The following CDH8 variants were observed in gnomAD, a reference collection of about 807,000 sequenced individuals.
CDH8 encodes cadherin 8.
A neutral mutation model predicts 68.1 loss-of-function variants in CDH8; 17 were observed. The ratio of observed to expected loss-of-function variants is 0.25; its 90% CI spans 0.17 to 0.37. CDH8 has a LOEUF of 0.37. Among genes scored for constraint, CDH8 ranks in the 10% least tolerant of loss-of-function variants. The pLI, the probability that CDH8 is intolerant of heterozygous loss-of-function variation, is 1.00. For missense variants in CDH8, 763 were observed against 999.3 expected (o/e 0.76, Z 3.19); for synonymous variants, 372 against 365.1 (o/e 1.02, Z -0.21).
At chr16:61,750,064 C>G (rs1362486488) in intron 8 of CDH8, among the ~76,000 whole-genome samples, 2 of 152,048 alleles carry the variant, frequency 1.3e-5, no homozygotes, top group African/African-American at 2.4e-5. Context: ...CCCCCTGTCT[C>G]CCTCCCAGCT....
At chr16:61,655,225 T>C (rs1358758978) in intron 11 of CDH8, among the ~76,000 whole-genome samples, 1 of 152,170 alleles carries the variant, frequency 6.6e-6, no homozygotes, top group African/African-American at 2.4e-5. Context: ...CCATTATGCC[T>C]TGTTCATCGC....
At chr16:61,969,254 T>C (rs1318893346) in intron 2 of CDH8, among the ~76,000 whole-genome samples, 1 of 152,208 alleles carries the variant, frequency 6.6e-6, no homozygotes, top group Non-Finnish European at 1.5e-5. Flanking sequence ...GTGAGAATTC[T>C]CAGAACTTCG....
rs1473893218 is a variant in CDH8 at position 61,851,204 on chromosome 16, T to C, written c.667+5915A>G. Among the ~76,000 whole-genome samples the C allele has an allele frequency of 1.3e-5, 2 of 152,152 alleles. 1 individual carries two copies. The highest frequency in any genetic ancestry group is 2.9e-5 in the Non-Finnish European group (2 of 68,026). On this transcript the variant is annotated intron_variant, in intron 4 of 11. Transcript: ENST00000577390. ...ATGAAGGCATTCCATGAAGACTCCA[T>C]GTATTATCTTGATTTTTCTAAGAAA...
intron 9 of CDH8, among the ~76,000 whole-genome samples, chr16:61,724,219 T>A (rs1299933918): frequency 6.6e-6 from 1 of 150,700 alleles, no homozygotes; most frequent in Non-Finnish European, 1.5e-5. Flanking sequence ...AGATATGATT[T>A]CCAATTCTAC....
intron 8 of CDH8, among the ~76,000 whole-genome samples, chr16:61,744,117 CTCTTTCGTGCAGTATT>C (rs563748646): frequency 1.5e-4 from 23 of 152,170 alleles, no homozygotes; most frequent in African/African-American, 5.5e-4. Flanking sequence ...TTTTCTGTAA[CTCTTTCGTGCAGTATT>C]TTATACCTTT....
intron 5 of CDH8, among the ~76,000 whole-genome samples, chr16:61,822,465 A>T (rs1392864721): frequency 6.6e-6 from 1 of 151,634 alleles, no homozygotes; most frequent in Non-Finnish European, 1.5e-5. Context: ...TCTGGAGAAC[A>T]TTACCTAATT....
chr16:62,008,373 C>T (rs778327409), intron 2 of CDH8, among the ~76,000 whole-genome samples: 3 of 152,114 alleles, frequency 2.0e-5, no homozygotes, highest in Non-Finnish European at 4.4e-5. Context: ...ATTTTGTTTA[C>T]GTGAATGTGA....
At chr16:61,995,061 A>C (rs1024821618) in intron 2 of CDH8, among the ~76,000 whole-genome samples, 8 of 152,204 alleles carry the variant, frequency 5.3e-5, no homozygotes, top group Admixed American at 1.3e-4. Context: ...CTTGTGTGAA[A>C]TCATGCTAGC....
At chr16:62,027,096 C>T (rs1902214303) in intron 1 of CDH8, among the ~76,000 whole-genome samples, 1 of 152,144 alleles carries the variant, frequency 6.6e-6, no homozygotes, top group Admixed American at 6.6e-5. Context: ...AATGCTGCTG[C>T]ATTGATTTAC....
Position 61,653,092 on chromosome 16 carries a change from G to T in CDH8, c.*516C>A. 7.9e-7 allele frequency: 1 copy of T among 1,259,590 alleles called. No individual in the cohort carries two copies. Among genetic ancestry groups the T allele is most frequent in the Admixed American group, 4.1e-5 (1 of 24,498 alleles). 78.0% of individuals were successfully genotyped at this position (1,259,590 alleles called of 1,614,324 possible). ...GTCACCGTACTGTATAATCTAGGAG[G>T]CCTCTCAAAACTCCAAAAAGTTATA... On this transcript the variant is annotated 3_prime_UTR_variant, in exon 12 of 12. Transcript: ENST00000577390.
chr16:61,837,705 C>A (rs958530046), intron 4 of CDH8, among the ~76,000 whole-genome samples: 16 of 152,012 alleles, frequency 1.1e-4, no homozygotes, highest in Non-Finnish European at 2.1e-4. Context: ...TACTTGCAGA[C>A]AAAATAAGAC....
chr16:61,817,716 G>A lies in CDH8; in HGVS notation c.1040C>T (p.Thr347Ile). 1 of 1,571,160 alleles carries A rather than the reference G, an allele frequency of 6.4e-7. No homozygotes were observed. Among genetic ancestry groups the A allele is most frequent in the Non-Finnish European group, 8.6e-7 (1 of 1,161,424 alleles). The change falls in exon 7 of 12, where the codon ACC becomes ATC. Residue 347 changes from threonine to isoleucine, a missense_variant. Around this residue, in one of 2 missense-constraint regions of CDH8, gnomAD observed 366 missense variants for 563.1 expected, o/e 0.65. Transcript: ENST00000577390. ...IRLRKPLDFE[T>I]KKSYTLKVEA... ...TACCTTTAGCGTATAGGATTTTTTG[G>A]TCTCAAAGTCCAGAGGCTGTTAAGA...
At chr16:61,958,950 G>A (rs1002216804) in intron 2 of CDH8, among the ~76,000 whole-genome samples, 7 of 152,032 alleles carry the variant, frequency 4.6e-5, no homozygotes, top group South Asian at 4.1e-4. Context: ...CTTAGAGACC[G>A]TACAAAATTC....
intron 4 of CDH8, among the ~76,000 whole-genome samples, chr16:61,844,453 T>C (rs1363312700): frequency 6.6e-6 from 1 of 152,194 alleles, no homozygotes; most frequent in Non-Finnish European, 1.5e-5. Flanking sequence ...AAAGTTTATA[T>C]GTAAACCAGA....
chr16:61,947,102 G>T (rs1964814321), intron 2 of CDH8, among the ~76,000 whole-genome samples: 1 of 152,018 alleles, frequency 6.6e-6, no homozygotes, highest in African/African-American at 2.4e-5. Flanking sequence ...TTTCAAGACT[G>T]ATCAAAAAAC....
At position 61,790,742 on chromosome 16, in the gene CDH8, TAG is replaced by T. The variant is rs75937300; in HGVS notation, c.1278-1262_1278-1261del. On this transcript the variant is annotated intron_variant, in intron 7 of 11. Transcript: ENST00000577390. ...TAATTTTGCACTGTTAATATTTTAGTAGAGTTCATTGAAAACATTATGTATGT... is the reference window on the plus strand; with the variant it reads ...TAATTTTGCACTGTTAATATTTTAGTAGTTCATTGAAAACATTATGTATGT... Among the ~76,000 whole-genome samples, 326 of 152,158 alleles carry T rather than the reference TAG, an allele frequency of 2.1e-3. 6 individuals are homozygous for T. In the East Asian group the frequency reaches 0.022, roughly 10 times the overall value.
chr16:61,671,151 A>G (rs1963784968), intron 10 of CDH8, among the ~76,000 whole-genome samples: 1 of 152,110 alleles, frequency 6.6e-6, no homozygotes, highest in African/African-American at 2.4e-5. Flanking sequence ...ATATCTGAGC[A>G]TATTAATAAT....
chr16:61,663,589 G>A (rs1475167149), intron 10 of CDH8, among the ~76,000 whole-genome samples: 1 of 151,910 alleles, frequency 6.6e-6, no homozygotes, highest in Non-Finnish European at 1.5e-5. Flanking sequence ...CATAACATTG[G>A]TACCATTGTT....
intron 2 of CDH8, among the ~76,000 whole-genome samples, chr16:61,922,115 C>T (rs983297269): frequency 8.5e-5 from 13 of 152,070 alleles, no homozygotes; most frequent in African/African-American, 2.4e-4. Context: ...CAAAATAAAA[C>T]GAAGTCTCAA....
Sources: gnomAD v4.1 joint callset for allele counts (sites outside exome capture counted in the v4.1 genomes callset) on GRCh38, gnomAD v4.1.1 for gene constraint, gnomAD v4.1.1 regional missense constraint, MANE v1.5 for transcripts, NCBI Gene and HGNC (gene_info 2026-07-23, HGNC 2026-07-21) for gene names.